The following MRPS27 variants were observed in gnomAD, a reference collection of about 807,000 sequenced individuals.
The protein encoded by MRPS27 is small ribosomal subunit protein mS27.
In MRPS27, 43 loss-of-function variants were observed where a neutral mutation model predicts 48.9. The ratio of observed to expected loss-of-function variants is 0.88; its 90% confidence interval spans 0.69 to 1.13. The LOEUF (loss-of-function observed/expected upper bound fraction) is 1.13. Among genes scored for constraint, MRPS27 ranks in the 50% most tolerant of loss-of-function variants. MRPS27 has a pLI of 0.00. For synonymous variants in MRPS27, 188 were observed against 171.9 expected (o/e 1.09, Z -0.73); for missense variants, 467 against 476.3 (o/e 0.98, Z 0.18).
intron 5 of MRPS27, among the ~76,000 whole-genome samples, chr5:72,237,792 C>A (rs1424239565): frequency 2.0e-5 from 3 of 151,878 alleles, no homozygotes; most frequent in African/African-American, 7.3e-5. Context: ...TATACCTGTC[C>A]TTTTCTGAGT....
chr5:72,264,541 A>C (rs1440928470), intron 4 of MRPS27, among the ~76,000 whole-genome samples: 1 of 152,228 alleles, frequency 6.6e-6, no homozygotes, highest in African/African-American at 2.4e-5. Flanking sequence ...GATGTAATCA[A>C]GTTAAGATGA....
Position 72,220,865 on chromosome 5 carries a change from TGAGTG to T in MRPS27, c.*39_*43del. On this transcript the variant is annotated 3_prime_UTR_variant, in exon 11 of 11. Coordinates refer to ENST00000261413, the MANE Select transcript of MRPS27 (RefSeq NM_015084.3). ...CCACTGCTGAGTCCTGGCACGGGGT[TGAGTG>T]AAGTTCTTGTGAGACAGGTGGGGCC... 1 of 1,609,530 alleles carries T rather than the reference TGAGTG, an allele frequency of 6.2e-7. No homozygotes were observed. The highest frequency in any genetic ancestry group is 8.5e-7 in the Non-Finnish European group (1 of 1,177,716).
rs76523841 is a variant in MRPS27, at chr5:72,242,884, A to G, written c.282-4756T>C. ...AAATGCTCCAGGCTGGGCAGGCCCA[A>G]TGCACAGATGCCAGAGCCTAGAGCC... On this transcript the variant is annotated intron_variant, in intron 4 of 10. Coordinates refer to ENST00000261413, the MANE Select transcript of MRPS27 (RefSeq NM_015084.3). Among the ~76,000 whole-genome samples the G allele has an allele frequency of 7.9e-3, 1,196 of 152,354 alleles. 16 individuals are homozygous for G. Among genetic ancestry groups the G allele is most frequent in the African/African-American group, 0.028 (1,149 of 41,574 alleles).
At chr5:72,256,131 AT>A (rs1456707778) in intron 4 of MRPS27, among the ~76,000 whole-genome samples, 1 of 152,248 alleles carries the variant, frequency 6.6e-6, no homozygotes, top group East Asian at 1.9e-4. Flanking sequence ...TACTATTTTG[AT>A]AATCAAATGT....
chr5:72,305,016 C>T (rs541201497), intron 2 of MRPS27, among the ~76,000 whole-genome samples: 56 of 152,094 alleles, frequency 3.7e-4, no homozygotes, highest in African/African-American at 1.3e-3. Context: ...AAAAGAAAAA[C>T]GAGGACACAT....
intron 10 of MRPS27, 75 bp from the exon 11 acceptor site, chr5:72,221,223 C>G: frequency 6.5e-7 from 1 of 1,529,208 alleles, no homozygotes; most frequent in Non-Finnish European, 8.9e-7. Context: ...AAAAACTAGC[C>G]CTGAGTGACT....
At chr5:72,252,500 T>C (rs1748694677) in intron 4 of MRPS27, among the ~76,000 whole-genome samples, 1 of 152,170 alleles carries the variant, frequency 6.6e-6, no homozygotes, top group Non-Finnish European at 1.5e-5. Context: ...TTATCCTAAG[T>C]ACTTTATATA....
intron 4 of MRPS27, among the ~76,000 whole-genome samples, chr5:72,277,286 A>G (rs1269911293): frequency 6.6e-5 from 10 of 152,196 alleles, no homozygotes; most frequent in Non-Finnish European, 1.5e-4. Context: ...TAGTTCAACC[A>G]TTGTGGAAGA....
intron 4 of MRPS27, among the ~76,000 whole-genome samples, chr5:72,249,610 G>A (rs996025894): frequency 4.6e-5 from 7 of 151,996 alleles, no homozygotes; most frequent in African/African-American, 1.5e-4. Context: ...ACTTGAACCC[G>A]GGAGGCAGAG....
At chr5:72,306,445 T>C (rs996310592) in intron 2 of MRPS27, among the ~76,000 whole-genome samples, 10 of 152,154 alleles carry the variant, frequency 6.6e-5, no homozygotes, top group African/African-American at 2.2e-4. Flanking sequence ...CAACTACCAG[T>C]TTCACAAGAC....
chr5:72,319,177 A>G (rs1750664502), intron 1 of MRPS27, among the ~76,000 whole-genome samples: 1 of 152,232 alleles, frequency 6.6e-6, no homozygotes, highest in Admixed American at 6.5e-5. Flanking sequence ...TGTGGTTAGA[A>G]TCACTGCAAA....
intron 4 of MRPS27, among the ~76,000 whole-genome samples, chr5:72,272,175 G>A (rs1383808150): frequency 1.3e-5 from 2 of 152,156 alleles, no homozygotes; most frequent in African/African-American, 4.8e-5. Flanking sequence ...TAGGTCTGCG[G>A]TCTGTCTCTA....
At chr5:72,290,619 T>C (rs1749792247) in intron 4 of MRPS27, among the ~76,000 whole-genome samples, 3 of 152,144 alleles carry the variant, frequency 2.0e-5, no homozygotes, top group African/African-American at 7.2e-5. Flanking sequence ...AAAATAAAGA[T>C]GCAAATCTAA....
chr5:72,261,070 C>A (rs1380432963), intron 4 of MRPS27, among the ~76,000 whole-genome samples: 1 of 151,994 alleles, frequency 6.6e-6, no homozygotes, highest in Non-Finnish European at 1.5e-5. Context: ...CGCCATGTTG[C>A]CCAGACTGGT....
intron 4 of MRPS27, among the ~76,000 whole-genome samples, chr5:72,292,167 C>G (rs938059480): frequency 1.4e-5 from 2 of 139,756 alleles, no homozygotes; most frequent in African/African-American, 5.4e-5. Flanking sequence ...ATCACTTTTA[C>G]TCTTGGTTTA....
intron 6 of MRPS27, among the ~76,000 whole-genome samples, chr5:72,232,825 C>A (rs1048569782): frequency 6.6e-6 from 1 of 152,174 alleles, no homozygotes; most frequent in African/African-American, 2.4e-5. Context: ...ATAAACCACT[C>A]ATTTCTCTTG....
intron 4 of MRPS27, among the ~76,000 whole-genome samples, chr5:72,263,380 A>G (rs896734701): frequency 1.3e-5 from 2 of 152,082 alleles, no homozygotes; most frequent in African/African-American, 4.8e-5. Context: ...GGATTTTTAG[A>G]TATGACACCA....
chr5:72,271,755 T>A (rs73127262), intron 4 of MRPS27, among the ~76,000 whole-genome samples: 1,659 of 152,306 alleles, frequency 0.011, 29 homozygotes, highest in African/African-American at 0.038. Context: ...GTTCAAATAA[T>A]CAGTATTAAT....
chr5:72,294,307 C>T (rs113484032), intron 4 of MRPS27, among the ~76,000 whole-genome samples: 1 of 151,636 alleles, frequency 6.6e-6, no homozygotes, highest in African/African-American at 2.4e-5. Flanking sequence ...CCCCAAAAAA[C>T]CCCCCAAAAC....
Sources: allele counts gnomAD v4.1 joint callset (sites outside exome capture counted in the v4.1 genomes callset), GRCh38; gene constraint gnomAD v4.1.1; transcripts MANE v1.5; gene names NCBI Gene and HGNC (gene_info 2026-07-23, HGNC 2026-07-21).